MGARP: variants seen among roughly 807,000 people sequenced by gnomAD.
MGARP encodes protein MGARP.
MGARP carries 12 observed loss-of-function variants against 11.0 expected under a neutral mutation model. That is an observed-to-expected ratio of 1.09 (90% CI 0.70 to 1.77). The LOEUF (loss-of-function observed/expected upper bound fraction) is 1.77, where lower values mean the gene tolerates loss of function less well. Among genes scored for constraint, MGARP ranks in the 40% most tolerant of loss-of-function variants. The pLI is 0.00. For missense variants in MGARP, 283 were observed against 297.8 expected (o/e 0.95, Z 0.36); for synonymous variants, 110 against 115.4 (o/e 0.95, Z 0.30).
rs575332133 is a variant in MGARP, at chr4:139,274,387, G to A, written c.186+902C>T. On this transcript the variant is annotated intron_variant, in intron 2 of 3. Transcript: ENST00000398955. ...GGGGAAAGGAGGAGGGGGTGTGAGG[G>A]GTTATATGGAAGTTTCTGTACTTTC... Among the ~76,000 whole-genome samples the A allele has an allele frequency of 2.0e-5, 3 of 151,920 alleles. No homozygotes were observed. The South Asian group carries it at 6.2e-4, about 32-fold the overall frequency.
At chr4:139,275,203 T>G in intron 2 of MGARP, 86 bp downstream of exon 2, 1 of 1,030,228 alleles carries the variant, frequency 9.7e-7, no homozygotes, top group East Asian at 2.4e-5. Context: ...ATTAATCTCA[T>G]GTCCTGATCT....
At position 139,267,013 on chromosome 4, in the gene MGARP, C is replaced by G. The variant is rs1460573129; in HGVS notation, c.309G>C (p.Glu103Asp). 27 of 1,613,748 alleles carry G rather than the reference C, an allele frequency of 1.7e-5. No individual in the cohort carries two copies. Among genetic ancestry groups the G allele is most frequent in the Non-Finnish European group, 2.2e-5 (26 of 1,179,854 alleles). ...CTTCTGGGGCTTCTGAACTTGCTTT[C>G]TCAGTTTCCGCAACATTCTCCTTTT... is the stretch of plus-strand genomic sequence containing the variant. ...QGEKENVAETEKASSEAPEEL... is the reference protein window; with the variant it reads ...QGEKENVAETDKASSEAPEEL... The change falls in exon 4 of 4, where the codon GAG becomes GAC. Residue 103 changes from glutamate to aspartate, a missense_variant. By Grantham distance (45) the Glu-to-Asp change is conservative (BLOSUM62 2). Transcript: ENST00000398955.
intron 2 of MGARP, among the ~76,000 whole-genome samples, chr4:139,274,008 C>A (rs1744827956): frequency 6.6e-6 from 1 of 152,108 alleles, no homozygotes; most frequent in Non-Finnish European, 1.5e-5. Context: ...ATATGCTTTT[C>A]ACTTTATATA....
Position 139,266,488 on chromosome 4 carries a change from C to T in MGARP, c.*111G>A, listed in dbSNP as rs1744698261. 2 of 1,068,558 alleles carry T rather than the reference C, an allele frequency of 1.9e-6. No homozygotes were observed. Among genetic ancestry groups the T allele is most frequent in the Non-Finnish European group, 2.6e-6 (2 of 763,994 alleles). The allele number at this position is 1,068,558 out of a possible 1,614,324, so 66.2% of individuals were successfully genotyped here. Reference sequence around the variant, plus strand: ...GCCAAAAATCTTCAAGACCCATTAACGTTTTCTAGAAAATAAGTCTTTTTT... The same window carrying T: ...GCCAAAAATCTTCAAGACCCATTAATGTTTTCTAGAAAATAAGTCTTTTTT... On this transcript the variant is annotated 3_prime_UTR_variant, in exon 4 of 4. Transcript: ENST00000398955.
At chr4:139,267,786 T>C (rs191957726) in intron 3 of MGARP, among the ~76,000 whole-genome samples, 13 of 152,216 alleles carry the variant, frequency 8.5e-5, no homozygotes, top group Admixed American at 7.2e-4. Context: ...ATCATAGTAA[T>C]TGATAATAAT....
At chr4:139,274,144 A>G (rs116471245) in intron 2 of MGARP, among the ~76,000 whole-genome samples, 32 of 152,272 alleles carry the variant, frequency 2.1e-4, no homozygotes, top group African/African-American at 7.2e-4. Context: ...AGAGAGGGAG[A>G]AATGAGTAGG....
At chr4:139,267,282 CA>C (rs924466539) in intron 3 of MGARP, among the ~76,000 whole-genome samples, 7 of 152,010 alleles carry the variant, frequency 4.6e-5, no homozygotes, top group African/African-American at 1.4e-4. Flanking sequence ...ATTGTATTTG[CA>C]AAAACTCTCC....
chr4:139,275,329 T>A lies in MGARP; in HGVS notation c.146A>T (p.Tyr49Phe). The A allele has an allele frequency of 3.7e-6, 6 of 1,614,104 alleles. No homozygotes were observed. The highest frequency in any genetic ancestry group is 1.7e-5 in the Admixed American group (1 of 60,006). ...ACTGACTGTGACGCCTACAACCAGA[T>A]AATAAATCATATTTGATCCAGATGA... ...PGSSGSNMIY[Y>F]LVVGVTVSAG... Residue 49 changes from tyrosine (Y) to phenylalanine (F), a missense_variant, in exon 2 of 4, where the codon TAT becomes TTT. Coordinates refer to ENST00000398955, the MANE Select transcript of MGARP (RefSeq NM_032623.4).
In MGARP at chr4:139,275,350, G is replaced by GA. The variant is rs749514891; in HGVS notation, c.124dup (p.Ser42PhefsTer37). 3.1e-6 allele frequency: 5 copies of GA among 1,613,932 alleles called. No homozygotes were observed. The highest frequency in any genetic ancestry group is 3.4e-6 in the Non-Finnish European group (4 of 1,179,992). On this transcript the variant is annotated frameshift_variant, in exon 2 of 4. Transcript: ENST00000398955. LOFTEE classifies it high-confidence loss of function. ...CAGATAATAAATCATATTTGATCCA[G>GA]ATGATCCAGGGAATCTGTTAGATGA...
chr4:139,270,725 CT>C lies in MGARP; in HGVS notation c.187-1961del, dbSNP rs374367830. On this transcript the variant is annotated intron_variant, in intron 2 of 3. Coordinates refer to ENST00000398955, the MANE Select transcript of MGARP (RefSeq NM_032623.4). ...GTGAACTCAGACTTGAATCATTTGG[CT>C]TTGAAACATACAGAGCAAATATGAT... Among the ~76,000 whole-genome samples the C allele has an allele frequency of 3.4e-4, 51 of 151,922 alleles. No homozygotes were observed. The East Asian group carries it at 9.1e-3, about 27-fold the overall frequency.
intron 2 of MGARP, among the ~76,000 whole-genome samples, chr4:139,273,909 C>T (rs2110732402): frequency 6.6e-6 from 1 of 152,298 alleles, no homozygotes; most frequent in African/African-American, 2.4e-5. Context: ...TAAAAAATGT[C>T]TGTCATTTTA....
rs772411315 is a variant in MGARP at position 139,280,096 on chromosome 4, G to C, written c.63C>G (p.Pro21=). ...ACTCACCGTCCTTTCCGAGCGGCGC[G>C]GGGTTGGGGGGCGCCCTCAGCGGCA... is the stretch of plus-strand genomic sequence containing the variant. The part of the protein sequence containing the change: ...LALPLRAPPN[P]APLGKDASLR... Residue 21 remains proline (P), a synonymous_variant, in exon 1 of 4, where the codon CCC becomes CCG. Transcript: ENST00000398955. 1.2e-6 allele frequency: 2 copies of C among 1,612,286 alleles called. No individual in the cohort carries two copies. Among genetic ancestry groups the C allele is most frequent in the Admixed American group, 1.7e-5 (1 of 60,006 alleles).
At chr4:139,279,032 G>A (rs190386801) in intron 1 of MGARP, among the ~76,000 whole-genome samples, 6 of 152,224 alleles carry the variant, frequency 3.9e-5, no homozygotes, top group Admixed American at 6.5e-5. Context: ...ACCCTCTGGG[G>A]TAAAATTATC....
Position 139,268,679 on chromosome 4 carries a change from T to C in MGARP, c.273A>G (p.Pro91=), listed in dbSNP as rs367711682. ...LKEKTKAEIH[P]FQGEKENVAE... ...ATTAAGAAATTCATTTACCTTGAAA[T>C]GGATGTATCTCTGCTTTTGTTTTTT... The change falls in exon 3 of 4, where the codon CCA becomes CCG. Residue 91 remains proline, a synonymous_variant. Transcript: ENST00000398955. The C allele has an allele frequency of 2.6e-4, 413 of 1,594,968 alleles. 1 individual carries two copies. In the African/African-American group the frequency reaches 5.1e-3, roughly 20 times the overall value.
In MGARP at chr4:139,272,670, C is replaced by A. The variant is rs368359726; in HGVS notation, c.186+2619G>T. On this transcript the variant is annotated intron_variant, in intron 2 of 3. Transcript: ENST00000398955. Reference sequence around the variant, plus strand: ...ACTGCTTCTAGTTATGACTAAACATCTCTTTATTCATATTTCTTTTTTTTT... The same window carrying A: ...ACTGCTTCTAGTTATGACTAAACATATCTTTATTCATATTTCTTTTTTTTT... 6.8e-5 allele frequency among the ~76,000 whole-genome samples: 10 copies of A among 147,154 alleles called. No homozygotes were observed. In the East Asian group the frequency reaches 1.2e-3, roughly 17 times the overall value.
rs767900155 is a variant in MGARP at position 139,266,733 on chromosome 4, T to C, written c.589A>G (p.Thr197Ala). 3 of 1,614,168 alleles carry C rather than the reference T, an allele frequency of 1.9e-6. No individual in the cohort carries two copies. The highest frequency in any genetic ancestry group is 3.3e-5 in the Admixed American group (2 of 60,018). ...TATTCATCAGAGGTTTCGTTCTTTG[T>C]TGTATCTTTATCATTATCGATGGTG... ...AVTIDNDKDT[T>A]KNETSDEYAE... The change falls in exon 4 of 4, where the codon ACA becomes GCA. Residue 197 changes from threonine (T) to alanine (A), a missense_variant. Physicochemically the swap from Thr to Ala is moderately conservative, Grantham distance 58. Coordinates refer to ENST00000398955, the MANE Select transcript of MGARP (RefSeq NM_032623.4).
chr4:139,272,834 C>T (rs897614927), intron 2 of MGARP, among the ~76,000 whole-genome samples: 5 of 151,182 alleles, frequency 3.3e-5, no homozygotes, highest in Non-Finnish European at 7.4e-5. Flanking sequence ...TACAGGTGCC[C>T]GCCACCACGC....
rs1298853685 is a variant in MGARP, at chr4:139,280,074, C to G, written c.82+3G>C. 6.2e-7 allele frequency: 1 copy of G among 1,612,122 alleles called. No homozygotes were observed. Among genetic ancestry groups the G allele is most frequent in the African/African-American group, 1.3e-5 (1 of 75,014 alleles). On this transcript the variant is annotated splice_donor_region_variant and intron_variant, in intron 1 of 3. Transcript: ENST00000398955. Reference sequence around the variant, plus strand: ...CCTCTCCGGGCTAGACCTCCTTACTCACCGTCCTTTCCGAGCGGCGCGGGG... The same window carrying G: ...CCTCTCCGGGCTAGACCTCCTTACTGACCGTCCTTTCCGAGCGGCGCGGGG...
chr4:139,280,189 G>A lies in MGARP; in HGVS notation c.-31C>T, dbSNP rs975077376. On this transcript the variant is annotated 5_prime_UTR_variant, in exon 1 of 4. Coordinates refer to ENST00000398955, the MANE Select transcript of MGARP (RefSeq NM_032623.4). ...CCGCTGTCCGCCGCGCAGCAGCCTC[G>A]GTACCCAGGCGCAGGCTGCCCTTCC... 2 of 1,591,362 alleles carry A rather than the reference G, an allele frequency of 1.3e-6. No homozygotes were observed. The highest frequency in any genetic ancestry group is 1.7e-6 in the Non-Finnish European group (2 of 1,170,906).
Sources: gnomAD v4.1 joint callset for allele counts (sites outside exome capture counted in the v4.1 genomes callset) on GRCh38, gnomAD v4.1.1 for gene constraint, MANE v1.5 for transcripts, NCBI Gene and HGNC (gene_info 2026-07-23, HGNC 2026-07-21) for gene names.